The following KDM7A variants were observed in gnomAD, a reference collection of about 807,000 sequenced individuals.
KDM7A encodes lysine-specific demethylase 7A.
Under a neutral mutation model 114.8 loss-of-function variants are expected in KDM7A, and 28 were observed. The ratio of observed to expected loss-of-function variants is 0.24; its 90% CI spans 0.18 to 0.33. KDM7A has a LOEUF of 0.33. KDM7A is among the 10% of genes least tolerant of loss of function. The pLI, the probability that KDM7A is intolerant of heterozygous loss-of-function variation, is 1.00. For synonymous variants in KDM7A, 423 were observed against 397.8 expected, an observed-to-expected ratio of 1.06 and a Z score of -0.75; for missense variants, 942 against 1,142.5, an observed-to-expected ratio of 0.82 and a Z score of 2.53.
intron 1 of KDM7A, among the ~76,000 whole-genome samples, chr7:140,141,692 G>T (rs1404121508): frequency 6.6e-6 from 1 of 151,908 alleles, no homozygotes; most frequent in African/African-American, 2.4e-5. Context: ...TCAGGAGTTT[G>T]AGACCAGTCT....
chr7:140,154,828 C>T (rs188148155), intron 1 of KDM7A, among the ~76,000 whole-genome samples: 45 of 152,032 alleles, frequency 3.0e-4, no homozygotes, highest in African/African-American at 8.0e-4. Context: ...TTTTCAGACT[C>T]ATCAGCTATG....
rs375044605 is a variant in KDM7A, at chr7:140,126,948, A to G, written c.702-125T>C. On this transcript the variant is annotated intron_variant, in intron 5 of 19. Transcript: ENST00000397560. ...AACTTAAGGTTAACAACAACACTTAAAAGTTTAAAACACATGTTTGTTTGT... is the reference window on the plus strand; with the variant it reads ...AACTTAAGGTTAACAACAACACTTAGAAGTTTAAAACACATGTTTGTTTGT... 561 of 722,184 alleles carry G rather than the reference A, an allele frequency of 7.8e-4. 7 individuals are homozygous for G. The South Asian group carries it at 0.01, about 13-fold the overall frequency. The allele number at this position is 722,184 out of a possible 1,614,324, so 44.7% of individuals were successfully genotyped here.
Position 140,120,464 on chromosome 7 carries a change from G to A in KDM7A, c.1117C>T (p.Leu373Phe). The A allele has an allele frequency of 6.2e-7, 1 of 1,611,164 alleles. No individual in the cohort carries two copies. Among genetic ancestry groups the A allele is most frequent in the Non-Finnish European group, 8.5e-7 (1 of 1,177,442 alleles). Residue 373 changes from leucine to phenylalanine, a missense_variant, in exon 8 of 20, where the codon CTT becomes TTT. Physicochemically the swap from Leu to Phe is conservative, Grantham distance 22 (BLOSUM62 0). Around this residue, in one of 4 missense-constraint regions of KDM7A, gnomAD observed 318 missense variants for 453.1 expected, o/e 0.70. Coordinates refer to ENST00000397560, the MANE Select transcript of KDM7A (RefSeq NM_030647.2). ...MAFGGNFLHNLNIGMQLRCYE... is the reference protein window; with the variant it reads ...MAFGGNFLHNFNIGMQLRCYE... Reference sequence around the variant, plus strand: ...AACCTGAGCTGCATGCCAATGTTAAGGTTGTGCAGGAAGTTCCCCCCAAAA... The same window carrying A: ...AACCTGAGCTGCATGCCAATGTTAAAGTTGTGCAGGAAGTTCCCCCCAAAA...
intron 1 of KDM7A, among the ~76,000 whole-genome samples, chr7:140,148,015 T>C (rs1794358029): frequency 1.3e-5 from 2 of 152,138 alleles, no homozygotes; most frequent in African/African-American, 4.8e-5. Context: ...ACAGTAAACA[T>C]ACTAAGTCAT....
rs1279098299 is a variant in KDM7A, at chr7:140,088,379, A to G, written c.*2715T>C. 1 of 396,176 alleles carries G rather than the reference A, an allele frequency of 2.5e-6. No individual in the cohort carries two copies. Among genetic ancestry groups the G allele is most frequent in the African/African-American group, 2.1e-5 (1 of 48,550 alleles). 24.5% of individuals were successfully genotyped at this position (396,176 alleles called of 1,614,324 possible). On this transcript the variant is annotated 3_prime_UTR_variant, in exon 20 of 20. Coordinates refer to ENST00000397560, the MANE Select transcript of KDM7A (RefSeq NM_030647.2). ...TACAGGAAAATTATCATCTATTCCT[A>G]TTACTAAAGTTGCATATGTTAATCA...
chr7:140,104,198 A>G lies in KDM7A; in HGVS notation c.1429-2038T>C, dbSNP rs150330245. Among the ~76,000 whole-genome samples the G allele has an allele frequency of 2.4e-3, 367 of 152,284 alleles. 2 individuals are homozygous for G. Among genetic ancestry groups the G allele is most frequent in the Non-Finnish European group, 3.8e-3 (256 of 68,030 alleles). ...GTAAATCTGTTTGAGTTCTTTGTAG[A>G]TGCTGGATATTAGCCCATTGTCAGA... On this transcript the variant is annotated intron_variant, in intron 11 of 19. Transcript: ENST00000397560.
At chr7:140,091,563 C>G (rs1041343370) in intron 19 of KDM7A, among the ~76,000 whole-genome samples, 1 of 152,158 alleles carries the variant, frequency 6.6e-6, no homozygotes, top group Non-Finnish European at 1.5e-5. Context: ...TGTCACTTTC[C>G]CCAATTCAGC....
chr7:140,175,371 G>T (rs890575239), intron 1 of KDM7A, among the ~76,000 whole-genome samples: 3 of 152,166 alleles, frequency 2.0e-5, no homozygotes, highest in Non-Finnish European at 1.5e-5. Context: ...ATTGGGGAGG[G>T]GGGGAGCGGA....
chr7:140,125,928 A>G (rs1233523901), intron 6 of KDM7A, among the ~76,000 whole-genome samples: 7 of 150,386 alleles, frequency 4.7e-5, no homozygotes, highest in African/African-American at 1.7e-4. Context: ...TTTTAGAGAC[A>G]GGATCTCGCT....
At chr7:140,148,363 AACTT>A (rs1794362446) in intron 1 of KDM7A, among the ~76,000 whole-genome samples, 1 of 151,982 alleles carries the variant, frequency 6.6e-6, no homozygotes, top group Non-Finnish European at 1.5e-5. Context: ...GACTTCGGGT[AACTT>A]ACTTTACCTG....
intron 1 of KDM7A, among the ~76,000 whole-genome samples, chr7:140,142,997 C>T (rs1406432324): frequency 6.6e-5 from 10 of 151,654 alleles, no homozygotes; most frequent in Admixed American, 1.3e-4. Context: ...CTGGCTAACA[C>T]GGTGAAACCC....
At chr7:140,157,677 A>G (rs1250122061) in intron 1 of KDM7A, among the ~76,000 whole-genome samples, 1 of 151,728 alleles carries the variant, frequency 6.6e-6, no homozygotes, top group Non-Finnish European at 1.5e-5. Flanking sequence ...CAAAGAAATA[A>G]TTGATACAGG....
At chr7:140,103,623 C>G (rs1343879503) in intron 11 of KDM7A, among the ~76,000 whole-genome samples, 1 of 152,108 alleles carries the variant, frequency 6.6e-6, no homozygotes, top group Admixed American at 6.5e-5. Context: ...CATCCATGTC[C>G]CTACAAAGGA....
At chr7:140,173,344 G>T (rs1056512538) in intron 1 of KDM7A, among the ~76,000 whole-genome samples, 2 of 152,132 alleles carry the variant, frequency 1.3e-5, no homozygotes, top group Non-Finnish European at 2.9e-5. Flanking sequence ...ATGGGAATTG[G>T]TATGCAGCTA....
rs1051377895 is a variant in KDM7A, at chr7:140,091,790, T to C, written c.2731+14A>G. On this transcript the variant is annotated intron_variant, in intron 19 of 19. Coordinates refer to ENST00000397560, the MANE Select transcript of KDM7A (RefSeq NM_030647.2). ...GTCAGAAATATACTTTCTCTATACATGTGTGAAAGTTACCTTTTGTTGCCT... is the reference window on the plus strand; with the variant it reads ...GTCAGAAATATACTTTCTCTATACACGTGTGAAAGTTACCTTTTGTTGCCT... 70 of 1,609,612 alleles carry C rather than the reference T, an allele frequency of 4.3e-5. No individual in the cohort carries two copies. The highest frequency in any genetic ancestry group is 8.1e-5 in the African/African-American group (6 of 74,516).
chr7:140,112,419 G>A (rs1818447999), intron 10 of KDM7A, among the ~76,000 whole-genome samples: 1 of 152,146 alleles, frequency 6.6e-6, no homozygotes. Context: ...AGACCAGCCT[G>A]GCCAACATGG....
At chr7:140,114,422 G>A (rs1242535153) in intron 9 of KDM7A, among the ~76,000 whole-genome samples, 6 of 152,134 alleles carry the variant, frequency 3.9e-5, no homozygotes, top group Admixed American at 1.3e-4. Context: ...TGCCAGCCTT[G>A]GCCTCCCGAG....
intron 1 of KDM7A, among the ~76,000 whole-genome samples, chr7:140,141,943 C>T (rs1794286685): frequency 6.7e-6 from 1 of 149,380 alleles, no homozygotes; most frequent in Admixed American, 6.7e-5. Context: ...GAAACACATA[C>T]ATATTTATGT....
intron 7 of KDM7A, among the ~76,000 whole-genome samples, 189 bp downstream of exon 7, chr7:140,124,432 C>G (rs1019415542): frequency 6.6e-6 from 1 of 151,974 alleles, no homozygotes; most frequent in African/African-American, 2.4e-5. Context: ...AAATACAATG[C>G]CAAAAGAAGT....
Sources: allele counts gnomAD v4.1 joint callset (sites outside exome capture counted in the v4.1 genomes callset), GRCh38; gene constraint gnomAD v4.1.1; regional missense constraint gnomAD v4.1.1; transcripts MANE v1.5; gene names NCBI Gene and HGNC (gene_info 2026-07-23, HGNC 2026-07-21).